Variants in LRRC28 observed in about 807,000 individuals in gnomAD.
LRRC28 encodes the protein leucine rich repeat containing 28.
A neutral mutation model predicts 45.7 loss-of-function variants in LRRC28; 39 were observed. The ratio of observed to expected loss-of-function variants is 0.85; its 90% CI spans 0.66 to 1.12. The LOEUF is 1.12. LRRC28 is among the 50% of genes most tolerant of loss of function. LRRC28 has a pLI of 0.00. For missense variants in LRRC28, 435 were observed against 438.5 expected (o/e 0.99, Z 0.07); for synonymous variants, 206 against 178.8 (o/e 1.15, Z -1.22).
At chr15:99,272,512 G>T (rs1024303165) in intron 2 of LRRC28, among the ~76,000 whole-genome samples, 1 of 152,122 alleles carries the variant, frequency 6.6e-6, no homozygotes, top group African/African-American at 2.4e-5. Context: ...TGAACATGGT[G>T]GTGTTTGCAA....
chr15:99,329,694 A>C (rs894751109), intron 5 of LRRC28, among the ~76,000 whole-genome samples: 4 of 152,222 alleles, frequency 2.6e-5, no homozygotes, highest in African/African-American at 9.6e-5. Context: ...ATTTCTTGAG[A>C]TCTTCGCTCT....
chr15:99,375,156 CTA>C (rs967473578), intron 9 of LRRC28, among the ~76,000 whole-genome samples: 1 of 152,138 alleles, frequency 6.6e-6, no homozygotes, highest in Non-Finnish European at 1.5e-5. Flanking sequence ...GATTTCCTCT[CTA>C]TGTAGTTTGC....
intron 9 of LRRC28, among the ~76,000 whole-genome samples, chr15:99,363,965 G>C (rs1957276006): frequency 6.6e-6 from 1 of 152,208 alleles, no homozygotes; most frequent in African/African-American, 2.4e-5. Context: ...AAGTACTATA[G>C]TACCTCATTT....
intron 3 of LRRC28, among the ~76,000 whole-genome samples, chr15:99,281,041 T>C (rs890603231): frequency 1.1e-4 from 16 of 152,132 alleles, no homozygotes; most frequent in African/African-American, 3.9e-4. Flanking sequence ...TTTTTTTTTT[T>C]TTAAGGGACA....
At chr15:99,378,598 G>A (rs1177947139) in intron 9 of LRRC28, among the ~76,000 whole-genome samples, 1 of 152,168 alleles carries the variant, frequency 6.6e-6, no homozygotes, top group Non-Finnish European at 1.5e-5. Context: ...TGGTGAGAGA[G>A]GGCATCCCTG....
At chr15:99,282,610 A>G (rs2081836768) in intron 3 of LRRC28, among the ~76,000 whole-genome samples, 1 of 152,210 alleles carries the variant, frequency 6.6e-6, no homozygotes, top group Admixed American at 6.5e-5. Context: ...ACAGTATTCA[A>G]TACGATAACA....
At chr15:99,314,174 G>A (rs1955511053) in intron 5 of LRRC28, among the ~76,000 whole-genome samples, 1 of 152,074 alleles carries the variant, frequency 6.6e-6, no homozygotes, top group South Asian at 2.1e-4. Context: ...GCCAGGTGTC[G>A]TGGCTCATCC....
At chr15:99,355,074 C>T (rs568912436) in intron 7 of LRRC28, among the ~76,000 whole-genome samples, 2 of 152,234 alleles carry the variant, frequency 1.3e-5, no homozygotes, top group African/African-American at 2.4e-5. Context: ...ATAAAAACAG[C>T]AAATAACAAA....
intron 5 of LRRC28, among the ~76,000 whole-genome samples, chr15:99,294,441 T>C (rs751342563): frequency 3.9e-5 from 6 of 152,202 alleles, no homozygotes; most frequent in Non-Finnish European, 8.8e-5. Flanking sequence ...TCCAGTGTGT[T>C]AGTTTTTATG....
intron 5 of LRRC28, among the ~76,000 whole-genome samples, chr15:99,294,530 G>A (rs1008097352): frequency 6.6e-6 from 1 of 152,154 alleles, no homozygotes; most frequent in African/African-American, 2.4e-5. Context: ...GAAATGTATT[G>A]CTGAGTTCTG....
At chr15:99,284,036 C>A (rs1356753753) in intron 3 of LRRC28, among the ~76,000 whole-genome samples, 1 of 152,198 alleles carries the variant, frequency 6.6e-6, no homozygotes, top group East Asian at 1.9e-4. Context: ...TTAGTCCCTG[C>A]AACATCACAG....
rs571093219 is a variant in LRRC28 at position 99,386,099 on chromosome 15, T to A, written c.1101T>A (p.Ser367Arg). 1.9e-6 allele frequency: 3 copies of A among 1,613,810 alleles called. No homozygotes were observed. Among genetic ancestry groups the A allele is most frequent in the Non-Finnish European group, 2.5e-6 (3 of 1,179,710 alleles). Residue 367 changes from serine (S) to arginine (R), a missense_variant, in exon 10 of 10, where the codon AGT (serine) becomes AGA (arginine). Coordinates refer to ENST00000301981, the MANE Select transcript of LRRC28 (RefSeq NM_144598.5). ...GTCTGCAGACTTTTGACCTGCTGAGTTGATAAACACTCAAGAACCTCAGGA... is the reference window on the plus strand; with the variant it reads ...GTCTGCAGACTTTTGACCTGCTGAGATGATAAACACTCAAGAACCTCAGGA... ...TQCLQTFDLL[S>R]
rs758511372 is a variant in LRRC28 at position 99,361,453 on chromosome 15, C to T, written c.813C>T (p.Leu271=). The T allele has an allele frequency of 1.2e-6, 2 of 1,613,802 alleles. No individual in the cohort carries two copies. Among genetic ancestry groups the T allele is most frequent in the Admixed American group, 1.7e-5 (1 of 59,964 alleles). The change falls in exon 8 of 10, where the codon CTC becomes CTT. Residue 271 remains leucine (L), a synonymous_variant. Transcript: ENST00000301981. ...KAIGTEHDHV[L]PLQELAMRGL... is the part of the protein sequence containing the mutation. ...TAGGGACGGAGCATGATCACGTCCT[C>T]CCTCTGCAGGAATTGGCTATGAGAG...
At chr15:99,370,914 T>C (rs949007217) in intron 9 of LRRC28, among the ~76,000 whole-genome samples, 1 of 152,234 alleles carries the variant, frequency 6.6e-6, no homozygotes, top group African/African-American at 2.4e-5. Context: ...GTTAAATTTT[T>C]GTAACAAACT....
chr15:99,336,878 A>G (rs957660919), intron 6 of LRRC28, among the ~76,000 whole-genome samples: 1 of 152,078 alleles, frequency 6.6e-6, no homozygotes, highest in Admixed American at 6.6e-5. Flanking sequence ...TGGTTATTCC[A>G]TTACATATCC....
chr15:99,309,062 T>C (rs1314476137), intron 5 of LRRC28, among the ~76,000 whole-genome samples: 1 of 152,272 alleles, frequency 6.6e-6, no homozygotes, highest in Non-Finnish European at 1.5e-5. Flanking sequence ...AATGCTTGTT[T>C]ATTCCATTCT....
intron 5 of LRRC28, among the ~76,000 whole-genome samples, chr15:99,303,559 C>A (rs946757030): frequency 2.6e-5 from 4 of 152,138 alleles, no homozygotes; most frequent in Non-Finnish European, 4.4e-5. Context: ...ACGGCCTGGG[C>A]ACGGTGGCTC....
chr15:99,366,957 T>A (rs1354530435), intron 9 of LRRC28, among the ~76,000 whole-genome samples: 2 of 152,178 alleles, frequency 1.3e-5, no homozygotes, highest in African/African-American at 4.8e-5. Context: ...TCACTTCTTG[T>A]CACCAAAATT....
intron 9 of LRRC28, among the ~76,000 whole-genome samples, chr15:99,385,599 A>G (rs1160165367): frequency 6.6e-6 from 1 of 152,218 alleles, no homozygotes; most frequent in East Asian, 1.9e-4. Context: ...CCTTAAAATT[A>G]TGTTGTTTAA....
Sources: allele counts gnomAD v4.1 joint callset (sites outside exome capture counted in the v4.1 genomes callset), GRCh38; gene constraint gnomAD v4.1.1; transcripts MANE v1.5; gene names NCBI Gene and HGNC (gene_info 2026-07-23, HGNC 2026-07-21).